CNBD2: variants seen among roughly 807,000 people sequenced by gnomAD.
CNBD2 encodes cyclic nucleotide-binding domain-containing protein 2.
CNBD2 carries 64 observed loss-of-function variants against 63.7 expected under a neutral mutation model. The ratio of observed to expected loss-of-function variants is 1.00; its 90% CI spans 0.82 to 1.24. The LOEUF (loss-of-function observed/expected upper bound fraction) is 1.24, where lower values mean the gene tolerates loss of function less well. Among genes scored for constraint, CNBD2 ranks in the 50% most tolerant of loss-of-function variants. The probability of loss-of-function intolerance (pLI) is 0.00; values close to 1 mark genes in which losing one functional copy is unlikely to be tolerated. For missense variants in CNBD2, 691 were observed against 713.5 expected, an observed-to-expected ratio of 0.97 and a Z score of 0.36; for synonymous variants, 229 against 255.4, an observed-to-expected ratio of 0.90 and a Z score of 0.99.
intron 11 of CNBD2, among the ~76,000 whole-genome samples, chr20:36,027,762 G>T (rs960812949): frequency 6.6e-6 from 1 of 150,536 alleles, no homozygotes; most frequent in Non-Finnish European, 1.5e-5. Context: ...TGCAAACTCT[G>T]CCTCCTGGCT....
At chr20:35,962,408 A>G (rs539041499) in intron 2 of CNBD2, among the ~76,000 whole-genome samples, 1 of 151,956 alleles carries the variant, frequency 6.6e-6, no homozygotes, top group African/African-American at 2.4e-5. Flanking sequence ...ACAGGCGCCC[A>G]CCACCACGCC....
In CNBD2 at chr20:35,981,936, A is replaced by G. The variant is rs578169874; in HGVS notation, c.407+1314A>G. On this transcript the variant is annotated intron_variant, in intron 4 of 11. Transcript: ENST00000373973. ...ACTCTCTAAGAGGTCAGAAGAGGAG[A>G]TGCTGCTGGGGGCTGGGTCAGGGAA... 2.6e-5 allele frequency among the ~76,000 whole-genome samples: 4 copies of G among 152,300 alleles called. No individual in the cohort carries two copies. In the South Asian group the frequency reaches 8.3e-4, roughly 32 times the overall value.
At chr20:35,998,034 CTTTTTCTTTTTTT>C (rs2056848620) in intron 8 of CNBD2, among the ~76,000 whole-genome samples, 1 of 142,630 alleles carries the variant, frequency 7.0e-6, no homozygotes, top group Non-Finnish European at 1.5e-5. Flanking sequence ...TTTCTTTTTT[CTTTTTCTTTTTTT>C]TTTTTTTTTT....
chr20:36,026,820 C>T (rs1317429124), intron 11 of CNBD2, among the ~76,000 whole-genome samples: 1 of 152,260 alleles, frequency 6.6e-6, no homozygotes, highest in Non-Finnish European at 1.5e-5. Context: ...ATTCTCTACA[C>T]AGCTCTGTCA....
intron 10 of CNBD2, among the ~76,000 whole-genome samples, chr20:36,011,859 T>C (rs901842764): frequency 2.0e-5 from 3 of 152,194 alleles, no homozygotes; most frequent in Non-Finnish European, 4.4e-5. Context: ...CAATGAACAA[T>C]TGAAATTTGA....
Position 35,972,641 on chromosome 20 carries a change from C to A in CNBD2, c.64C>A (p.Leu22Ile). 1.2e-6 allele frequency: 2 copies of A among 1,614,040 alleles called. No homozygotes were observed. Among genetic ancestry groups the A allele is most frequent in the Non-Finnish European group, 1.7e-6 (2 of 1,179,950 alleles). Reference protein sequence around the residue: ...LLKKELGLYQLAMDIIIMIRV... With the variant: ...LLKKELGLYQIAMDIIIMIRV... Reference sequence around the variant, plus strand: ...TTTGTTTCCATAGGGACTGTACCAGCTCGCCATGGATATCATCATAATGAT... The same window carrying A: ...TTTGTTTCCATAGGGACTGTACCAGATCGCCATGGATATCATCATAATGAT... Residue 22 changes from leucine (L) to isoleucine (I), a missense_variant, in exon 2 of 12, where the codon CTC becomes ATC. By Grantham distance (5) the Leu-to-Ile change is conservative. Coordinates refer to ENST00000373973, the MANE Select transcript of CNBD2 (RefSeq NM_001365709.1).
intron 3 of CNBD2, among the ~76,000 whole-genome samples, chr20:35,976,331 A>G (rs1429917646): frequency 6.6e-6 from 1 of 152,200 alleles, no homozygotes; most frequent in Non-Finnish European, 1.5e-5. Context: ...AGTCCCAGAG[A>G]GAGGAAGAAT....
intron 11 of CNBD2, among the ~76,000 whole-genome samples, chr20:36,029,068 G>A (rs2057314001): frequency 6.6e-6 from 1 of 152,144 alleles, no homozygotes; most frequent in African/African-American, 2.4e-5. Flanking sequence ...TGAAGCTGAG[G>A]CTACCCTGTT....
At chr20:36,017,058 C>CAA (rs35383989) in intron 10 of CNBD2, among the ~76,000 whole-genome samples, 14 of 105,434 alleles carry the variant, frequency 1.3e-4, no homozygotes, top group Middle Eastern at 4.8e-3. Context: ...GAGCCTGTCT[C>CAA]AAAAAAAAAA....
chr20:35,954,564 AG>A, upstream of CNBD2: 1 of 1,471,028 alleles, frequency 6.8e-7, no homozygotes, highest in Non-Finnish European at 9.1e-7. Flanking sequence ...GGCGCCCTCT[AG>A]CGTTCTCGAG....
rs185479058 is a variant in CNBD2, at chr20:36,008,751, T to A, written c.1148+277T>A. Among the ~76,000 whole-genome samples the A allele has an allele frequency of 8.6e-4, 131 of 152,284 alleles. 1 individual carries two copies. In the East Asian group the frequency reaches 0.015, roughly 17 times the overall value. ...TTTAAGGAAGAAGGGGCTGGACATA[T>A]CTTCTGGCTCTGACATTCTGTCAGT... On this transcript the variant is annotated intron_variant, in intron 9 of 11. Transcript: ENST00000373973.
intron 3 of CNBD2, among the ~76,000 whole-genome samples, chr20:35,978,289 A>C (rs2056548098): frequency 6.6e-6 from 1 of 151,604 alleles, no homozygotes; most frequent in Middle Eastern, 3.4e-3. Context: ...CGGTCCTCCC[A>C]TTTTAGTGCC....
intron 8 of CNBD2, among the ~76,000 whole-genome samples, chr20:35,996,045 T>G (rs1259162351): frequency 6.6e-6 from 1 of 152,144 alleles, no homozygotes; most frequent in African/African-American, 2.4e-5. Flanking sequence ...CTACACATTC[T>G]TCCTTGAAGA....
chr20:35,987,256 C>A, intron 6 of CNBD2, 139 bp from the exon 7 acceptor site: 1 of 875,288 alleles, frequency 1.1e-6, no homozygotes, highest in South Asian at 1.6e-5. Flanking sequence ...CAGGCAAGGC[C>A]AGGTAATTGG....
chr20:35,985,281 A>G (rs1190482764), intron 6 of CNBD2, among the ~76,000 whole-genome samples: 3 of 151,822 alleles, frequency 2.0e-5, no homozygotes, highest in Non-Finnish European at 4.4e-5. Flanking sequence ...CCTGGGCAAC[A>G]GAGTGTGGTC....
intron 4 of CNBD2, 89 bp downstream of exon 4, chr20:35,980,711 C>A (rs2147232673): frequency 8.2e-7 from 1 of 1,223,846 alleles, no homozygotes; most frequent in Non-Finnish European, 1.2e-6. Context: ...GTCCTGCCCA[C>A]CCCTCTGCAT....
intron 11 of CNBD2, among the ~76,000 whole-genome samples, chr20:36,026,517 C>A (rs1023141081): frequency 6.6e-6 from 1 of 152,088 alleles, no homozygotes; most frequent in Non-Finnish European, 1.5e-5. Context: ...GGATAAAGTC[C>A]AAACTCAATG....
chr20:35,970,475 C>A (rs2056396859), intron 1 of CNBD2, among the ~76,000 whole-genome samples: 1 of 152,108 alleles, frequency 6.6e-6, no homozygotes, highest in Non-Finnish European at 1.5e-5. Flanking sequence ...CAGCTCACTG[C>A]AACCTCCACC....
chr20:36,018,886 A>C (rs566092553), intron 10 of CNBD2, among the ~76,000 whole-genome samples: 1 of 152,298 alleles, frequency 6.6e-6, no homozygotes, highest in East Asian at 1.9e-4. Context: ...AATCTATGTC[A>C]TGGGAAAATG....
Sources: allele counts gnomAD v4.1 joint callset (sites outside exome capture counted in the v4.1 genomes callset), GRCh38; gene constraint gnomAD v4.1.1; transcripts MANE v1.5; gene names NCBI Gene and HGNC (gene_info 2026-07-23, HGNC 2026-07-21).